The following FBXL5 variants were observed in gnomAD, a reference collection of about 807,000 sequenced individuals.
FBXL5 encodes F-box/LRR-repeat protein 5.
In FBXL5, 26 loss-of-function variants were observed where a neutral mutation model predicts 78.3. The observed-to-expected ratio is 0.33, with a 90% CI of 0.24 to 0.46. The LOEUF (loss-of-function observed/expected upper bound fraction) is 0.46. Ranked by LOEUF, FBXL5 falls within the 20% of genes least tolerant of loss-of-function variation. FBXL5 has a pLI of 1.00. For missense variants in FBXL5, 710 were observed against 829.2 expected, an observed-to-expected ratio of 0.86 and a Z score of 1.77; for synonymous variants, 295 against 282.5, an observed-to-expected ratio of 1.04 and a Z score of -0.45.
intron 1 of FBXL5, among the ~76,000 whole-genome samples, chr4:15,669,200 C>T (rs1717664065): frequency 6.6e-6 from 1 of 152,190 alleles, no homozygotes; most frequent in Non-Finnish European, 1.5e-5. Flanking sequence ...CTTACACAAA[C>T]CCAGATACAA....
In FBXL5 at chr4:15,638,651, A is replaced by G; in HGVS notation, c.440T>C (p.Leu147Pro). 6.2e-7 allele frequency: 1 copy of G among 1,609,720 alleles called. No homozygotes were observed. Among genetic ancestry groups the G allele is most frequent in the Non-Finnish European group, 8.5e-7 (1 of 1,178,670 alleles). ...MLMEYFTYEE[L>P]KDIKKKVIAQ... ...AATCACTTTCTTTTTAATATCCTTA[A>G]GCTCTTCATAGGTAAAATATTCCAT... Residue 147 changes from leucine to proline, a missense_variant, in exon 4 of 11, where the codon CTT becomes CCT. Leu to Pro is a moderately conservative substitution (Grantham distance 98, BLOSUM62 -3). Coordinates refer to ENST00000341285, the MANE Select transcript of FBXL5 (RefSeq NM_012161.4).
intron 1 of FBXL5, among the ~76,000 whole-genome samples, chr4:15,666,429 G>T (rs1357194993): frequency 6.6e-6 from 1 of 151,876 alleles, no homozygotes; most frequent in Non-Finnish European, 1.5e-5. Flanking sequence ...CATACCACAT[G>T]ATCTCACATT....
rs757820250 is a variant in FBXL5, at chr4:15,628,021, T to C, written c.905A>G (p.Glu302Gly). ...ADIDESEESA[E>G]ESIAISIAQM... ...TGCAATGCTGATAGCAATTGATTCC[T>C]CCGCAGACTCTTCTGTAAAATGAAT... The change falls in exon 7 of 11, where the codon GAG becomes GGG. Residue 302 changes from glutamate (E) to glycine (G), a missense_variant. Physicochemically the swap from Glu to Gly is moderately conservative, Grantham distance 98. Coordinates refer to ENST00000341285, the MANE Select transcript of FBXL5 (RefSeq NM_012161.4). The C allele has an allele frequency of 7.4e-6, 12 of 1,613,348 alleles. No homozygotes were observed. Among genetic ancestry groups the C allele is most frequent in the Non-Finnish European group, 9.3e-6 (11 of 1,179,836 alleles).
chr4:15,655,505 T>G (rs1716814315), upstream of FBXL5: 1 of 436,542 alleles, frequency 2.3e-6, no homozygotes, highest in Non-Finnish European at 3.0e-6. Flanking sequence ...GCTCGCGGCT[T>G]CTGCCTCCCG....
At chr4:15,629,739 T>G (rs1191112157) in intron 6 of FBXL5, among the ~76,000 whole-genome samples, 2 of 152,138 alleles carry the variant, frequency 1.3e-5, no homozygotes, top group Admixed American at 6.5e-5. Flanking sequence ...GTGGCACATC[T>G]GCGTTTCATA....
chr4:15,643,637 C>T (rs915428375), intron 2 of FBXL5, among the ~76,000 whole-genome samples: 6 of 152,168 alleles, frequency 3.9e-5, no homozygotes, highest in African/African-American at 2.4e-5. Flanking sequence ...GAACTCCTGA[C>T]CTCAAGTGAT....
At chr4:15,670,985 G>C (rs1468702815) in intron 1 of FBXL5, among the ~76,000 whole-genome samples, 1 of 139,810 alleles carries the variant, frequency 7.2e-6, no homozygotes, top group African/African-American at 2.7e-5. Flanking sequence ...ATGCAGTGGC[G>C]TGATCTCGGC....
At chr4:15,616,765 G>A (rs943265489) in intron 9 of FBXL5, among the ~76,000 whole-genome samples, 37 of 152,108 alleles carry the variant, frequency 2.4e-4, no homozygotes, top group African/African-American at 6.3e-4. Flanking sequence ...TATTTTGCCC[G>A]GCTCTCTAAA....
intron 1 of FBXL5, among the ~76,000 whole-genome samples, chr4:15,676,868 G>T (rs1718013276): frequency 6.6e-6 from 1 of 152,008 alleles, no homozygotes; most frequent in African/African-American, 2.4e-5. Flanking sequence ...CCATGTTAAA[G>T]AAATGAAATT....
chr4:15,657,096 G>A (rs1314377614), upstream of FBXL5, among the ~76,000 whole-genome samples: 4 of 152,056 alleles, frequency 2.6e-5, no homozygotes, highest in South Asian at 2.1e-4. Context: ...CTTTCACCCC[G>A]TTTCTCGTTC....
chr4:15,663,778 AT>A (rs1717415647), upstream of FBXL5, among the ~76,000 whole-genome samples: 2 of 152,314 alleles, frequency 1.3e-5, no homozygotes, highest in South Asian at 4.1e-4. Context: ...GAAGCTACAG[AT>A]TCAGTAAGTC....
At chr4:15,624,526 C>A (rs534513442) in intron 9 of FBXL5, among the ~76,000 whole-genome samples, 4 of 151,432 alleles carry the variant, frequency 2.6e-5, no homozygotes, top group South Asian at 2.1e-4. Context: ...ACATATAGAA[C>A]CTAGCTGCTG....
At chr4:15,648,143 C>T (rs1229766633) in intron 1 of FBXL5, among the ~76,000 whole-genome samples, 1 of 152,134 alleles carries the variant, frequency 6.6e-6, no homozygotes, top group East Asian at 1.9e-4. Context: ...AGGCACAAGC[C>T]ACTGCACCTG....
At chr4:15,621,406 C>T (rs556173592) in intron 9 of FBXL5, among the ~76,000 whole-genome samples, 5 of 152,044 alleles carry the variant, frequency 3.3e-5, no homozygotes, top group Non-Finnish European at 1.5e-5. Flanking sequence ...AGGACTTGTA[C>T]ACTGAATTAA....
chr4:15,646,297 A>G (rs1484995581), intron 1 of FBXL5, among the ~76,000 whole-genome samples: 2 of 152,152 alleles, frequency 1.3e-5, no homozygotes, highest in Non-Finnish European at 2.9e-5. Flanking sequence ...TAAAAATGTA[A>G]AAGTGATGCT....
In FBXL5 at chr4:15,655,299, C is replaced by T; in HGVS notation, c.-12G>A. The T allele has an allele frequency of 7.2e-7, 1 of 1,396,818 alleles. No individual in the cohort carries two copies. 86.5% of individuals were successfully genotyped at this position (1,396,818 alleles called of 1,614,324 possible). On this transcript the variant is annotated 5_prime_UTR_variant, in exon 1 of 11. Transcript: ENST00000341285. ...GGAAAGGGCGCCATCGCCACTGCCT[C>T]AGCCTCCGCCTCAGCAGCCGCGGCC...
chr4:15,678,954 C>G (rs1406933387), intron 1 of FBXL5, among the ~76,000 whole-genome samples: 1 of 151,828 alleles, frequency 6.6e-6, no homozygotes, highest in Non-Finnish European at 1.5e-5. Context: ...TACTGGTCAG[C>G]AGAAATAAAA....
intron 9 of FBXL5, among the ~76,000 whole-genome samples, chr4:15,624,001 T>A (rs1020295710): frequency 6.6e-6 from 1 of 151,926 alleles, no homozygotes; most frequent in African/African-American, 2.4e-5. Context: ...TTTTTTTTTA[T>A]TTTTAGTAGA....
In FBXL5 at chr4:15,605,670, TGAAA is replaced by T; in HGVS notation, c.*49_*52del. 3 of 1,509,370 alleles carry T rather than the reference TGAAA, an allele frequency of 2.0e-6. No individual in the cohort carries two copies. The highest frequency in any genetic ancestry group is 2.8e-6 in the Non-Finnish European group (3 of 1,088,296). 93.5% of individuals were successfully genotyped at this position (1,509,370 alleles called of 1,614,324 possible). A position where few individuals can be genotyped will look rare whatever the true frequency, so the allele number is the denominator to read the frequency against. ...AGAAATGTGCTATGAGTAAAGTGCA[TGAAA>T]GAAAGCCTGCTCAGCTAAATGAAGT... On this transcript the variant is annotated 3_prime_UTR_variant, in exon 11 of 11. Coordinates refer to ENST00000341285, the MANE Select transcript of FBXL5 (RefSeq NM_012161.4).
Sources: gnomAD v4.1 joint callset for allele counts (sites outside exome capture counted in the v4.1 genomes callset) on GRCh38, gnomAD v4.1.1 for gene constraint, MANE v1.5 for transcripts, NCBI Gene and HGNC (gene_info 2026-07-23, HGNC 2026-07-21) for gene names.